Variants in IL1RAPL1 observed in about 807,000 individuals in gnomAD.
The protein encoded by IL1RAPL1 is interleukin 1 receptor accessory protein like 1.
In IL1RAPL1, 3 loss-of-function variants were observed where a neutral mutation model predicts 48.4. The observed-to-expected ratio is 0.06, with a 90% CI of 0.03 to 0.16. The LOEUF (loss-of-function observed/expected upper bound fraction) is 0.16, where lower values mean the gene tolerates loss of function less well. IL1RAPL1 is among the 10% of genes least tolerant of loss of function. IL1RAPL1 has a pLI of 1.00. For missense variants in IL1RAPL1, 349 were observed against 530.6 expected, an observed-to-expected ratio of 0.66 and a Z score of 3.36; for synonymous variants, 185 against 187.7, an observed-to-expected ratio of 0.99 and a Z score of 0.12.
chrX:29,135,965 G>C (rs1196220524), intron 2 of IL1RAPL1, among the ~76,000 whole-genome samples: 3 of 111,180 alleles, frequency 2.7e-5, no homozygotes, highest in Middle Eastern at 4.2e-3. Context: ...TCAAACTCCT[G>C]ACCTCAAGTG....
At chrX:29,424,974 A>G (rs1408257766) in intron 5 of IL1RAPL1, among the ~76,000 whole-genome samples, 1 of 111,849 alleles carries the variant, frequency 8.9e-6, no homozygotes, top group Non-Finnish European at 1.9e-5. Flanking sequence ...TATCCTCCCC[A>G]TTTTACAGAC....
chrX:29,535,647 C>G (rs1269934659), intron 5 of IL1RAPL1, among the ~76,000 whole-genome samples: 1 of 112,088 alleles, frequency 8.9e-6, no homozygotes, highest in African/African-American at 3.2e-5. Flanking sequence ...AAATCTTGAT[C>G]TCAGGGTTAG....
rs750899616 is a variant in IL1RAPL1, at chrX:29,608,555, G to A, written c.704-59875G>A. The stretch of plus-strand genomic sequence containing the variant: ...AAAATAAGAGGAGGAGGCCGGGCGC[G>A]GTGGCTTATGCCTGTAATCCCAGCA... On this transcript the variant is annotated intron_variant, in intron 5 of 10. Coordinates refer to ENST00000378993, the MANE Select transcript of IL1RAPL1 (RefSeq NM_014271.4). 9.0e-5 allele frequency among the ~76,000 whole-genome samples: 10 copies of A among 111,494 alleles called. No homozygotes were observed. In the East Asian group the frequency reaches 2.3e-3, roughly 25 times the overall value.
chrX:28,739,034 G>C (rs1935877347), intron 1 of IL1RAPL1, among the ~76,000 whole-genome samples: 1 of 110,939 alleles, frequency 9.0e-6, no homozygotes, highest in Non-Finnish European at 1.9e-5. Context: ...AAAAGACAAA[G>C]GTCTTAAATG....
At chrX:28,758,570 C>T (rs1936130359) in intron 1 of IL1RAPL1, among the ~76,000 whole-genome samples, 1 of 110,788 alleles carries the variant, frequency 9.0e-6, no homozygotes, top group South Asian at 3.8e-4. Flanking sequence ...GGTTCCACAG[C>T]GTAGGGGATC....
chrX:29,328,678 G>C (rs955912618), intron 3 of IL1RAPL1, among the ~76,000 whole-genome samples: 69 of 109,237 alleles, frequency 6.3e-4, no homozygotes, highest in East Asian at 1.4e-3. Context: ...CAGAGAGAGA[G>C]AGGGAGAGAG....
chrX:29,789,093 G>A (rs1425987919), intron 6 of IL1RAPL1, among the ~76,000 whole-genome samples: 1 of 111,955 alleles, frequency 8.9e-6, no homozygotes, highest in Non-Finnish European at 1.9e-5. Flanking sequence ...GAACACAAAG[G>A]AAATAAATGC....
chrX:28,991,963 A>G (rs1177180334), intron 2 of IL1RAPL1, among the ~76,000 whole-genome samples: 2 of 111,864 alleles, frequency 1.8e-5, no homozygotes, highest in East Asian at 5.6e-4. Context: ...GTTTGGTGCT[A>G]TAAAACTTGG....
intron 1 of IL1RAPL1, among the ~76,000 whole-genome samples, chrX:28,677,874 C>A (rs1935016247): frequency 1.8e-5 from 2 of 111,432 alleles, no homozygotes; most frequent in Non-Finnish European, 3.8e-5. Flanking sequence ...AGATGTAAGC[C>A]ACCACACCCA....
intron 5 of IL1RAPL1, among the ~76,000 whole-genome samples, chrX:29,405,459 C>G (rs1255672866): frequency 2.0e-5 from 2 of 97,686 alleles, no homozygotes; most frequent in Non-Finnish European, 3.9e-5. Context: ...CTCCGCCTCC[C>G]GGGTTCACGC....
At chrX:29,613,918 C>G (rs1335278588) in intron 5 of IL1RAPL1, among the ~76,000 whole-genome samples, 1 of 107,706 alleles carries the variant, frequency 9.3e-6, no homozygotes, top group Non-Finnish European at 1.9e-5. Flanking sequence ...CGCCTGCCAC[C>G]ACGCCCGGCT....
At chrX:29,882,145 T>C (rs1932045656) in intron 6 of IL1RAPL1, among the ~76,000 whole-genome samples, 1 of 111,860 alleles carries the variant, frequency 8.9e-6, no homozygotes, top group Non-Finnish European at 1.9e-5. Context: ...AGAAACAGCC[T>C]TCCTGTATTC....
intron 6 of IL1RAPL1, among the ~76,000 whole-genome samples, chrX:29,767,898 T>C (rs983044227): frequency 3.3e-4 from 37 of 111,379 alleles, no homozygotes; most frequent in Admixed American, 9.6e-5. Context: ...TTGAATTCGA[T>C]AATCACAAAT....
chrX:29,082,377 T>A (rs184945852), intron 2 of IL1RAPL1, among the ~76,000 whole-genome samples: 7,030 of 112,118 alleles, frequency 0.063, 210 homozygotes, highest in South Asian at 0.24. Context: ...GTGCCAAAAA[T>A]CCAAAATAAC....
At chrX:28,675,985 G>A (rs1029462431) in intron 1 of IL1RAPL1, among the ~76,000 whole-genome samples, 3 of 111,325 alleles carry the variant, frequency 2.7e-5, no homozygotes, top group Non-Finnish European at 5.6e-5. Context: ...AGCTATCTTC[G>A]TGTCATGTCT....
intron 2 of IL1RAPL1, among the ~76,000 whole-genome samples, chrX:28,887,216 A>G (rs2147317493): frequency 9.0e-6 from 1 of 111,138 alleles, no homozygotes; most frequent in African/African-American, 3.3e-5. Flanking sequence ...TAAAGAGGTT[A>G]CACTCAGTGT....
chrX:29,917,026 T>TTCTA (rs2147237503), intron 6 of IL1RAPL1, among the ~76,000 whole-genome samples: 1 of 112,515 alleles, frequency 8.9e-6, no homozygotes, highest in South Asian at 3.7e-4. Context: ...GCCAAAGATT[T>TTCTA]TCTATCTCCC....
intron 6 of IL1RAPL1, among the ~76,000 whole-genome samples, chrX:29,803,225 A>ATG (rs1449464410): frequency 3.1e-5 from 1 of 32,630 alleles, no homozygotes; most frequent in African/African-American, 1.3e-4. Context: ...ATGTATACAT[A>ATG]TACACACATG....
Position 29,323,709 on chromosome X carries a change from TTTTTTATATA to T in IL1RAPL1, c.362+40494_362+40503del, listed in dbSNP as rs1932819099. On this transcript the variant is annotated intron_variant, in intron 3 of 10. Coordinates refer to ENST00000378993, the MANE Select transcript of IL1RAPL1 (RefSeq NM_014271.4). ...GCACTACCTACCAACTCATACTGAATTTTTTATATATATATATATATATATATATATATAT... is the reference window on the plus strand; with the variant it reads ...GCACTACCTACCAACTCATACTGAATTATATATATATATATATATATATAT... 1.7e-4 allele frequency among the ~76,000 whole-genome samples: 3 copies of T among 17,609 alleles called. 1 individual carries two copies. Among genetic ancestry groups the T allele is most frequent in the Non-Finnish European group, 2.9e-4 (3 of 10,375 alleles). The allele number at this position is 17,609 out of a possible 115,157, so 15.3% of individuals were successfully genotyped here.
Sources: allele counts gnomAD v4.1 joint callset (sites outside exome capture counted in the v4.1 genomes callset), GRCh38; gene constraint gnomAD v4.1.1; transcripts MANE v1.5; gene names NCBI Gene and HGNC (gene_info 2026-07-23, HGNC 2026-07-21).